The following CDK17 variants were observed in gnomAD, a reference collection of about 807,000 sequenced individuals.
CDK17 encodes the protein cyclin-dependent kinase 17.
Under a neutral mutation model 77.6 loss-of-function variants are expected in CDK17, and 24 were observed. The ratio of observed to expected loss-of-function variants is 0.31; its 90% CI spans 0.22 to 0.44. CDK17 has a LOEUF of 0.44. Ranked by LOEUF, CDK17 falls within the 20% of genes least tolerant of loss-of-function variation. The pLI is 1.00. For missense variants in CDK17, 429 were observed against 622.5 expected, an observed-to-expected ratio of 0.69 and a Z score of 3.31; for synonymous variants, 203 against 210.4, an observed-to-expected ratio of 0.96 and a Z score of 0.30.
At chr12:96,294,611 A>AAAAAAAAAAAAAAAAAAAAAAAAAAAT (rs71097274) in intron 10 of CDK17, among the ~76,000 whole-genome samples, 3 of 121,254 alleles carry the variant, frequency 2.5e-5, no homozygotes, top group Non-Finnish European at 5.2e-5. Flanking sequence ...AAAAAAAAAA[A>AAAAAAAAAAAAAAAAAAAAAAAAAAAT]GATATATTTT....
chr12:96,308,990 T>C (rs1952613555), intron 5 of CDK17, among the ~76,000 whole-genome samples: 1 of 152,108 alleles, frequency 6.6e-6, no homozygotes, highest in Admixed American at 6.6e-5. Flanking sequence ...ATTCATTGTT[T>C]GTACTTTTCC....
At chr12:96,302,370 AAAAGGC>A (rs1398324108) in intron 5 of CDK17, among the ~76,000 whole-genome samples, 2 of 152,104 alleles carry the variant, frequency 1.3e-5, no homozygotes, top group African/African-American at 4.8e-5. Context: ...TACTCCATAA[AAAAGGC>A]TACTTGCCAA....
In CDK17 at chr12:96,313,391, G is replaced by T; in HGVS notation, c.347C>A (p.Ser116Ter). 1 of 1,599,786 alleles carries T rather than the reference G, an allele frequency of 6.3e-7. No homozygotes were observed. The highest frequency in any genetic ancestry group is 8.5e-7 in the Non-Finnish European group (1 of 1,173,482). ...TGTAGGTGACTGGACTTCATCAGAT[G>T]ATGTCCCAGAAGCTTGGTCACTCTC... Reference protein sequence around the residue: ...DGESDQASGTSSDEVQSPTGV... With the variant: ...DGESDQASGT Residue 116 changes from serine to a stop codon, truncating the protein, a stop_gained, in exon 4 of 17, where the codon TCA becomes TAA. Coordinates refer to ENST00000261211, the MANE Select transcript of CDK17 (RefSeq NM_002595.5). LOFTEE classifies it high-confidence loss of function.
intron 3 of CDK17, among the ~76,000 whole-genome samples, chr12:96,320,202 T>G (rs903293668): frequency 3.6e-4 from 55 of 150,764 alleles, no homozygotes; most frequent in African/African-American, 1.2e-3. Context: ...GAACTCCCAT[T>G]CACAATTGCT....
chr12:96,306,158 G>C (rs1238894376), intron 5 of CDK17, among the ~76,000 whole-genome samples: 1 of 152,104 alleles, frequency 6.6e-6, no homozygotes. Context: ...ATTTATATTA[G>C]ACCCATTCAG....
intron 5 of CDK17, among the ~76,000 whole-genome samples, chr12:96,308,666 T>C (rs992538404): frequency 1.9e-4 from 28 of 148,260 alleles, no homozygotes; most frequent in African/African-American, 6.9e-4. Context: ...GGAGGCAGAC[T>C]GCAGTGAGCC....
intron 1 of CDK17, among the ~76,000 whole-genome samples, chr12:96,372,491 T>C (rs1413465281): frequency 6.6e-6 from 1 of 152,172 alleles, no homozygotes; most frequent in Non-Finnish European, 1.5e-5. Flanking sequence ...AAATTAGAAA[T>C]TGTTCACATA....
chr12:96,323,463 AAAAAAT>A (rs1005485471), intron 3 of CDK17, among the ~76,000 whole-genome samples: 2 of 152,130 alleles, frequency 1.3e-5, no homozygotes, highest in Non-Finnish European at 2.9e-5. Context: ...ACTGTCTCAA[AAAAAAT>A]AAAAATAAAA....
At chr12:96,285,258 A>G in intron 13 of CDK17, among the ~76,000 whole-genome samples, 1 of 152,234 alleles carries the variant, frequency 6.6e-6, no homozygotes, top group East Asian at 1.9e-4. Context: ...TATAGTAACA[A>G]TAAGAGTACC....
At chr12:96,299,074 A>G (rs188550605) in intron 6 of CDK17, 91 bp from the exon 7 acceptor site, 54 of 623,634 alleles carry the variant, frequency 8.7e-5, no homozygotes, top group Admixed American at 2.2e-4. Flanking sequence ...CTGAATTTCT[A>G]GTTTCTAAGC....
intron 1 of CDK17, among the ~76,000 whole-genome samples, chr12:96,353,961 A>G (rs1273661014): frequency 1.3e-5 from 2 of 152,164 alleles, no homozygotes; most frequent in Admixed American, 6.5e-5. Flanking sequence ...CTTATATAAA[A>G]CCAACTGAAG....
At chr12:96,282,777 G>GAGAT (rs1952193684) in intron 14 of CDK17, among the ~76,000 whole-genome samples, 178 bp from the exon 15 acceptor site, 1 of 152,212 alleles carries the variant, frequency 6.6e-6, no homozygotes, top group African/African-American at 2.4e-5. Context: ...AGTCGCTGCT[G>GAGAT]AGATTGTGTA....
chr12:96,389,104 A>C lies in CDK17; in HGVS notation c.-30+10882T>G, dbSNP rs529175931. ...CAGCCTCCTGGGTAGCTGGAACTAC[A>C]GGCATGTGCCATCTCATGCTCAACT... is the stretch of plus-strand genomic sequence containing the variant. On this transcript the variant is annotated intron_variant, in intron 1 of 16. Transcript: ENST00000261211. 4.1e-3 allele frequency among the ~76,000 whole-genome samples: 625 copies of C among 151,144 alleles called. 5 individuals are homozygous for C. The highest frequency in any genetic ancestry group is 0.024 in the Middle Eastern group (7 of 288).
intron 1 of CDK17, among the ~76,000 whole-genome samples, chr12:96,354,366 C>T (rs1018592915): frequency 6.6e-5 from 10 of 152,190 alleles, no homozygotes; most frequent in East Asian, 5.8e-4. Flanking sequence ...GAAAATAGCA[C>T]GTGTATCTCT....
intron 4 of CDK17, among the ~76,000 whole-genome samples, chr12:96,313,019 G>C (rs1213190096): frequency 6.6e-6 from 1 of 152,058 alleles, no homozygotes; most frequent in Admixed American, 6.6e-5. Context: ...TGTATTTCCA[G>C]AATTTTTGAA....
intron 3 of CDK17, among the ~76,000 whole-genome samples, chr12:96,320,166 GACAA>G (rs1197873996): frequency 5.9e-5 from 9 of 151,706 alleles, no homozygotes; most frequent in East Asian, 1.9e-4. Context: ...ACCAACAACA[GACAA>G]ACAGAGAGCC....
intron 11 of CDK17, among the ~76,000 whole-genome samples, chr12:96,287,403 C>T (rs971695412): frequency 3.3e-5 from 5 of 151,774 alleles, no homozygotes; most frequent in Non-Finnish European, 7.4e-5. Flanking sequence ...TTAAAGGGCT[C>T]GTAATCTAGC....
At chr12:96,325,816 CATAA>C (rs1364569268) in intron 2 of CDK17, among the ~76,000 whole-genome samples, 2 of 152,104 alleles carry the variant, frequency 1.3e-5, no homozygotes, top group East Asian at 1.9e-4. Flanking sequence ...GATATAAATG[CATAA>C]ATAATTACAA....
chr12:96,347,380 A>G (rs1005198372), intron 1 of CDK17, among the ~76,000 whole-genome samples: 3 of 151,778 alleles, frequency 2.0e-5, no homozygotes, highest in Non-Finnish European at 4.4e-5. Context: ...CCTGGCCAAC[A>G]TGGTGAGAAC....
Sources: gnomAD v4.1 joint callset for allele counts (sites outside exome capture counted in the v4.1 genomes callset) on GRCh38, gnomAD v4.1.1 for gene constraint, MANE v1.5 for transcripts, NCBI Gene and HGNC (gene_info 2026-07-23, HGNC 2026-07-21) for gene names.